CADM3: variants seen among roughly 807,000 people sequenced by gnomAD.
CADM3 encodes cell adhesion molecule 3, also known as TSLC1-like 1.
In CADM3, 11 loss-of-function variants were observed where a neutral mutation model predicts 44.9. The observed-to-expected ratio is 0.25, with a 90% CI of 0.15 to 0.41. The LOEUF (loss-of-function observed/expected upper bound fraction) is 0.41, where lower values mean the gene tolerates loss of function less well. Among genes scored for constraint, CADM3 ranks in the 10% least tolerant of loss-of-function variants. The pLI is 1.00. For missense variants in CADM3, 426 were observed against 512.0 expected, an observed-to-expected ratio of 0.83 and a Z score of 1.62; for synonymous variants, 207 against 205.2, an observed-to-expected ratio of 1.01 and a Z score of -0.08.
intron 1 of CADM3, among the ~76,000 whole-genome samples, chr1:159,173,337 G>T (rs966000095): frequency 6.6e-6 from 1 of 152,022 alleles, no homozygotes; most frequent in Non-Finnish European, 1.5e-5. Context: ...GCTCCACCTC[G>T]CCTGACCTCC....
At chr1:159,191,119 A>G (rs1365194756) in intron 1 of CADM3, among the ~76,000 whole-genome samples, 2 of 152,248 alleles carry the variant, frequency 1.3e-5, no homozygotes, top group African/African-American at 2.4e-5. Flanking sequence ...TAAATGCCTC[A>G]TCCATAAGAT....
In CADM3 at chr1:159,201,088, C is replaced by T. The variant is rs951447548; in HGVS notation, c.*166C>T. On this transcript the variant is annotated 3_prime_UTR_variant, in exon 9 of 9. Coordinates refer to ENST00000368125, the MANE Select transcript of CADM3 (RefSeq NM_001127173.3). The stretch of plus-strand genomic sequence containing the variant: ...TCTGCTTTGGGTGCGGTTTTGTACT[C>T]GGTTTGGAATGGGGAGGGAGGAGGG... 2.5e-5 allele frequency: 4 copies of T among 160,164 alleles called. No homozygotes were observed. The highest frequency in any genetic ancestry group is 5.5e-5 in the Non-Finnish European group (4 of 72,474). The allele number at this position is 160,164 out of a possible 1,614,324, so 9.9% of individuals were successfully genotyped here.
At chr1:159,199,216 G>A (rs1019479275) in intron 7 of CADM3, among the ~76,000 whole-genome samples, 3 of 151,954 alleles carry the variant, frequency 2.0e-5, no homozygotes, top group African/African-American at 7.3e-5. Context: ...AGAGCTAGGG[G>A]AGCTGGCTCA....
In CADM3 at chr1:159,193,801, C is replaced by G. The variant is rs1191697191; in HGVS notation, c.521-69C>G. On this transcript the variant is annotated intron_variant, in intron 4 of 8. Coordinates refer to ENST00000368125, the MANE Select transcript of CADM3 (RefSeq NM_001127173.3). ...GTCTACAATGAGGCCCACATGATAT[C>G]TGTATGTTAGGTTTACTCTGTGTCT... is the stretch of plus-strand genomic sequence containing the variant. 7 of 1,578,738 alleles carry G rather than the reference C, an allele frequency of 4.4e-6. No individual in the cohort carries two copies. The South Asian group carries it at 5.7e-5, about 13-fold the overall frequency.
intron 1 of CADM3, among the ~76,000 whole-genome samples, chr1:159,184,306 C>T (rs954129889): frequency 4.6e-5 from 7 of 152,196 alleles, no homozygotes; most frequent in African/African-American, 1.4e-4. Context: ...TATTCTGGGC[C>T]GCAGCCCCCA....
Position 159,174,613 on chromosome 1 carries a change from G to A in CADM3, c.88+2760G>A, listed in dbSNP as rs1396955187. 8.9e-4 allele frequency among the ~76,000 whole-genome samples: 135 copies of A among 152,198 alleles called. 2 individuals carry two copies. Among genetic ancestry groups the A allele is most frequent in the Non-Finnish European group, 1.5e-5 (1 of 68,042 alleles). On this transcript the variant is annotated intron_variant, in intron 1 of 8. Transcript: ENST00000368125. ...CTGGAGCACAGCATAAATTTTTTAAGCTTCATAAGGCTGAACAGGGATTGA... is the reference window on the plus strand; with the variant it reads ...CTGGAGCACAGCATAAATTTTTTAAACTTCATAAGGCTGAACAGGGATTGA...
chr1:159,176,313 T>C (rs575402207), intron 1 of CADM3, among the ~76,000 whole-genome samples: 3 of 152,352 alleles, frequency 2.0e-5, no homozygotes, highest in African/African-American at 7.2e-5. Context: ...ACACTGACTA[T>C]AGGCCCATGT....
intron 1 of CADM3, among the ~76,000 whole-genome samples, chr1:159,189,493 T>C (rs1320359130): frequency 6.6e-6 from 1 of 152,228 alleles, no homozygotes; most frequent in Non-Finnish European, 1.5e-5. Context: ...CTAGACTGGA[T>C]GAACTCTTAA....
chr1:159,196,931 C>A lies in CADM3; in HGVS notation c.823C>A (p.Pro275Thr). The change falls in exon 7 of 9, where the codon CCC becomes ACC. Residue 275 changes from proline to threonine, a missense_variant. Physicochemically the swap from Pro to Thr is conservative, Grantham distance 38. Transcript: ENST00000368125. ...ATGGGAGAAGGAGGGCAGTGTGCCA[C>A]CCCTGAAGATGACCCAGGAGAGTGC... is the stretch of plus-strand genomic sequence containing the variant. The part of the protein sequence containing the change: ...YLWEKEGSVP[P>T]LKMTQESALI... The A allele has an allele frequency of 6.2e-7, 1 of 1,614,096 alleles. No homozygotes were observed. Among genetic ancestry groups the A allele is most frequent in the South Asian group, 1.1e-5 (1 of 91,078 alleles).
Position 159,200,816 on chromosome 1 carries a change from C to T in CADM3, c.1091C>T (p.Thr364Ile). ...TGTCTCTACACAGGAACCTACCTGA[C>T]ACATGAGGCAAAAGGCTCCGACGAT... ...YLIRHKGTYL[T>I]HEAKGSDDAP... The change falls in exon 9 of 9, where the codon ACA becomes ATA. Residue 364 changes from threonine to isoleucine, a missense_variant. Physicochemically the swap from Thr to Ile is moderately conservative, Grantham distance 89 (BLOSUM62 -1). Coordinates refer to ENST00000368125, the MANE Select transcript of CADM3 (RefSeq NM_001127173.3). 2 of 1,605,596 alleles carry T rather than the reference C, an allele frequency of 1.2e-6. No individual in the cohort carries two copies. The highest frequency in any genetic ancestry group is 1.7e-6 in the Non-Finnish European group (2 of 1,175,804).
At chr1:159,191,860 T>A in intron 1 of CADM3, 76 bp from the exon 2 acceptor site, 1 of 1,565,960 alleles carries the variant, frequency 6.4e-7, no homozygotes, top group Non-Finnish European at 8.7e-7. Flanking sequence ...CTGAACTAGA[T>A]GAGGTGTACT....
intron 1 of CADM3, among the ~76,000 whole-genome samples, chr1:159,186,771 A>G (rs1262525221): frequency 3.3e-5 from 5 of 152,234 alleles, no homozygotes; most frequent in Admixed American, 3.3e-4. Context: ...ACATGAGATT[A>G]TAAGTGCATT....
chr1:159,197,102 C>G lies in CADM3; in HGVS notation c.952+42C>G, dbSNP rs768680759. 4.4e-6 allele frequency: 7 copies of G among 1,589,428 alleles called. No homozygotes were observed. In the Admixed American group the frequency reaches 5.0e-5, roughly 11 times the overall value. On this transcript the variant is annotated intron_variant, in intron 7 of 8. Transcript: ENST00000368125. Reference sequence around the variant, plus strand: ...TCTCTTCCTCCAGAATCTCCTTTCTCTGTCCATCTTATTCCCTTTTTTAAA... The same window carrying G: ...TCTCTTCCTCCAGAATCTCCTTTCTGTGTCCATCTTATTCCCTTTTTTAAA...
At chr1:159,180,542 C>T (rs1255024180) in intron 1 of CADM3, among the ~76,000 whole-genome samples, 1 of 151,654 alleles carries the variant, frequency 6.6e-6, no homozygotes, top group Non-Finnish European at 1.5e-5. Flanking sequence ...CAAAGTGAGG[C>T]TAATGCGAAC....
At chr1:159,200,018 A>AGCCAACCCTATCATT in intron 8 of CADM3, 142 bp downstream of exon 8, 1 of 1,104,834 alleles carries the variant, frequency 9.1e-7, no homozygotes. Context: ...TTAAAAATGG[A>AGCCAACCCTATCATT]GCCAACCCTA....
chr1:159,193,418 G>A lies in CADM3; in HGVS notation c.383-5G>A, dbSNP rs1191663564. The A allele has an allele frequency of 1.1e-5, 18 of 1,587,830 alleles. No homozygotes were observed. Among genetic ancestry groups the A allele is most frequent in the Non-Finnish European group, 9.4e-6 (11 of 1,164,638 alleles). On this transcript the variant is annotated splice_polypyrimidine_tract_variant and splice_region_variant and intron_variant, in intron 3 of 8. Coordinates refer to ENST00000368125, the MANE Select transcript of CADM3 (RefSeq NM_001127173.3). Reference sequence around the variant, plus strand: ...CCTATCCTGGCCATCCCCTATCCATGGCAGGAATTCCACAGAAGCCCATCA... The same window carrying A: ...CCTATCCTGGCCATCCCCTATCCATAGCAGGAATTCCACAGAAGCCCATCA...
intron 7 of CADM3, 56 bp downstream of exon 7, chr1:159,197,116 C>T: frequency 5.1e-6 from 8 of 1,561,668 alleles, no homozygotes; most frequent in Non-Finnish European, 7.0e-6. Flanking sequence ...CCATCTTATT[C>T]CCTTTTTTAA....
At position 159,193,881 on chromosome 1, in the gene CADM3, C is replaced by G; in HGVS notation, c.532C>G (p.Arg178Gly). Residue 178 changes from arginine (R) to glycine (G), a missense_variant, in exon 5 of 9, where the codon CGC becomes GGC. Physicochemically the swap from Arg to Gly is moderately radical, Grantham distance 125 (BLOSUM62 -2). Around this residue, in one of 2 missense-constraint regions of CADM3, gnomAD observed 362 missense variants for 474.6 expected, o/e 0.76. Coordinates refer to ENST00000368125, the MANE Select transcript of CADM3 (RefSeq NM_001127173.3). ...GDQELHGEPT[R>G]IQEDPNGKTF... The stretch of plus-strand genomic sequence containing the variant: ...TTTCTGCACTCTAGGAGAACCAACC[C>G]GCATACAGGAAGATCCCAATGGTAA... The G allele has an allele frequency of 6.2e-7, 1 of 1,613,582 alleles. No individual in the cohort carries two copies. Among genetic ancestry groups the G allele is most frequent in the Non-Finnish European group, 8.5e-7 (1 of 1,179,756 alleles).
chr1:159,181,102 C>T (rs1397269806), intron 1 of CADM3, among the ~76,000 whole-genome samples: 1 of 152,108 alleles, frequency 6.6e-6, no homozygotes, highest in Non-Finnish European at 1.5e-5. Context: ...CTCTATTTTC[C>T]CATACCCTTC....
Sources: allele counts gnomAD v4.1 joint callset (sites outside exome capture counted in the v4.1 genomes callset), GRCh38; gene constraint gnomAD v4.1.1; regional missense constraint gnomAD v4.1.1; transcripts MANE v1.5; gene names NCBI Gene and HGNC (gene_info 2026-07-23, HGNC 2026-07-21).